FARP1: variants seen among roughly 807,000 people sequenced by gnomAD.
The protein encoded by FARP1 is FERM, ARHGEF and pleckstrin domain-containing protein 1.
Under a neutral mutation model 128.8 loss-of-function variants are expected in FARP1, and 52 were observed. The observed-to-expected ratio is 0.40, with a 90% CI of 0.32 to 0.51. The LOEUF is 0.51. Among genes scored for constraint, FARP1 ranks in the 20% least tolerant of loss-of-function variants. The pLI is 0.45. For synonymous variants in FARP1, 580 were observed against 551.8 expected (o/e 1.05, Z -0.72); for missense variants, 1,333 against 1,367.9 (o/e 0.97, Z 0.40).
At chr13:98,393,532 T>C in intron 11 of FARP1, 111 bp from the exon 12 acceptor site, 2 of 775,214 alleles carry the variant, frequency 2.6e-6, no homozygotes, top group Admixed American at 2.1e-5. Flanking sequence ...ACCATCATTA[T>C]TGAGGAAGGC....
chr13:98,250,466 T>C (rs1448543033), intron 2 of FARP1, among the ~76,000 whole-genome samples: 6 of 152,160 alleles, frequency 3.9e-5, no homozygotes, highest in Non-Finnish European at 5.9e-5. Context: ...CTCACACTTA[T>C]AATCCCAGCA....
At chr13:98,251,226 A>G (rs1050252944) in intron 2 of FARP1, among the ~76,000 whole-genome samples, 14 of 152,344 alleles carry the variant, frequency 9.2e-5, no homozygotes, top group African/African-American at 3.4e-4. Context: ...GAAAGAAGTG[A>G]GGCTCAAACA....
chr13:98,232,655 G>C (rs1209236276), intron 2 of FARP1, among the ~76,000 whole-genome samples: 3 of 152,136 alleles, frequency 2.0e-5, no homozygotes, highest in African/African-American at 7.2e-5. Context: ...CTAGACTACA[G>C]TATGGTGTAA....
At chr13:98,168,748 A>T (rs767855526) in intron 1 of FARP1, among the ~76,000 whole-genome samples, 14 of 152,178 alleles carry the variant, frequency 9.2e-5, no homozygotes, top group Admixed American at 1.3e-4. Context: ...AAGTGATTGG[A>T]GTGATAAATG....
rs1885515867 is a variant in FARP1, at chr13:98,292,977, A to G, written c.172-50785A>G. On this transcript the variant is annotated intron_variant, in intron 2 of 26. Transcript: ENST00000319562. ...TATAACCTATTTTAATAAGAAAATA[A>G]TGGAGTCATTTCAACTCATGGGGTA... is the stretch of plus-strand genomic sequence containing the variant. Among the ~76,000 whole-genome samples, 4 of 152,062 alleles carry G rather than the reference A, an allele frequency of 2.6e-5. No individual in the cohort carries two copies. In the South Asian group the frequency reaches 8.3e-4, roughly 32 times the overall value.
intron 2 of FARP1, 61 bp from the exon 3 acceptor site, chr13:98,343,701 G>GGTTTC: frequency 1.7e-6 from 2 of 1,146,780 alleles, no homozygotes; most frequent in Non-Finnish European, 2.6e-6. Flanking sequence ...GCAGCGAGGA[G>GGTTTC]CTGTGGTTTG....
At chr13:98,435,206 G>C (rs1419238622) in intron 18 of FARP1, among the ~76,000 whole-genome samples, 1 of 152,038 alleles carries the variant, frequency 6.6e-6, no homozygotes, top group Non-Finnish European at 1.5e-5. Flanking sequence ...TGTGCTCACT[G>C]TGCCTTGTTC....
intron 3 of FARP1, among the ~76,000 whole-genome samples, chr13:98,361,592 CCT>C (rs1260516608): frequency 6.6e-6 from 1 of 152,184 alleles, no homozygotes; most frequent in Non-Finnish European, 1.5e-5. Flanking sequence ...GTTAACTCAC[CCT>C]CTCAGGCAGC....
chr13:98,371,221 T>G (rs1281997339), intron 5 of FARP1, among the ~76,000 whole-genome samples: 5 of 51,604 alleles, frequency 9.7e-5, no homozygotes, highest in East Asian at 2.9e-4. Context: ...GCCCCCCGTT[T>G]TTTTTTTTTT....
chr13:98,179,087 A>G (rs1034666602), intron 1 of FARP1, among the ~76,000 whole-genome samples: 2 of 152,202 alleles, frequency 1.3e-5, no homozygotes, highest in African/African-American at 4.8e-5. Flanking sequence ...CGCTGCTGAT[A>G]AAGACACACC....
intron 2 of FARP1, among the ~76,000 whole-genome samples, chr13:98,295,097 ACACACACATATATC>A (rs1770318865): frequency 6.9e-5 from 2 of 28,998 alleles, no homozygotes; most frequent in East Asian, 2.3e-3. Flanking sequence ...ACACACACAC[ACACACACATATATC>A]CCCAGGCATT....
chr13:98,166,654 C>G (rs866830105), intron 1 of FARP1, among the ~76,000 whole-genome samples: 1 of 151,892 alleles, frequency 6.6e-6, no homozygotes, highest in Non-Finnish European at 1.5e-5. Context: ...TTTCCCAAAC[C>G]GGAAACCTAC....
Position 98,143,200 on chromosome 13 carries a change from G to A in FARP1, c.-316G>A, listed in dbSNP as rs1412352847. The A allele has an allele frequency of 6.7e-6, 1 of 148,460 alleles. No homozygotes were observed. The highest frequency in any genetic ancestry group is 2.4e-5 in the African/African-American group (1 of 40,990). 9.2% of individuals were successfully genotyped at this position (148,460 alleles called of 1,614,324 possible). A position where few individuals can be genotyped will look rare whatever the true frequency, so the allele number is the denominator to read the frequency against. On this transcript the variant is annotated 5_prime_UTR_variant, in exon 1 of 27. Coordinates refer to ENST00000319562, the MANE Select transcript of FARP1 (RefSeq NM_005766.4). ...GGGACGCGGCCGCTGCCCGCTTTGC[G>A]CCGCTCCTCCCTGCGCGAGTAGCGC...
intron 1 of FARP1, among the ~76,000 whole-genome samples, chr13:98,201,633 G>C (rs1465582490): frequency 2.0e-5 from 3 of 152,152 alleles, no homozygotes; most frequent in Non-Finnish European, 4.4e-5. Flanking sequence ...GAGTAGAAAA[G>C]GGATATGGGT....
In FARP1 at chr13:98,451,181, G is replaced by A. The variant is rs1490861939; in HGVS notation, c.*2864G>A. On this transcript the variant is annotated 3_prime_UTR_variant, in exon 27 of 27. Coordinates refer to ENST00000319562, the MANE Select transcript of FARP1 (RefSeq NM_005766.4). ...CTGAAGAACTCTGTAAATCAGAAAA[G>A]CTGCTGTCCGCCCTGGCTCACTTAA... 2 of 152,166 alleles carry A rather than the reference G, an allele frequency of 1.3e-5. No homozygotes were observed. Among genetic ancestry groups the A allele is most frequent in the Non-Finnish European group, 2.9e-5 (2 of 68,048 alleles). 9.4% of individuals were successfully genotyped at this position (152,166 alleles called of 1,614,324 possible).
chr13:98,427,509 T>A (rs1297471546), intron 17 of FARP1, among the ~76,000 whole-genome samples: 3 of 152,314 alleles, frequency 2.0e-5, no homozygotes, highest in African/African-American at 4.8e-5. Flanking sequence ...TGTGGGCCTT[T>A]GGGGACAGCA....
chr13:98,275,016 A>G lies in FARP1; in HGVS notation c.171+61603A>G, dbSNP rs118166189. On this transcript the variant is annotated intron_variant, in intron 2 of 26. Coordinates refer to ENST00000319562, the MANE Select transcript of FARP1 (RefSeq NM_005766.4). The stretch of plus-strand genomic sequence containing the variant: ...GTGTTCTTCAGCCATGCAATACTGT[A>G]TTCATCTTGCCATCCTTGAGTGAGT... 1.1e-3 allele frequency among the ~76,000 whole-genome samples: 170 copies of G among 152,316 alleles called. 2 individuals carry two copies. The East Asian group carries it at 0.029, about 26-fold the overall frequency.
intron 26 of FARP1, chr13:98,447,078 C>T (rs902390327): frequency 5.0e-5 from 23 of 456,882 alleles, no homozygotes; most frequent in Non-Finnish European, 7.6e-5. Context: ...TCTGACATAA[C>T]GTGTCCGGGA....
chr13:98,182,271 A>G (rs1434357648), intron 1 of FARP1, among the ~76,000 whole-genome samples: 1 of 150,246 alleles, frequency 6.7e-6, no homozygotes, highest in East Asian at 2.0e-4. Flanking sequence ...GTTTTTTTTT[A>G]CCTTGCTTGA....
Sources: allele counts gnomAD v4.1 joint callset (sites outside exome capture counted in the v4.1 genomes callset), GRCh38; gene constraint gnomAD v4.1.1; transcripts MANE v1.5; gene names NCBI Gene and HGNC (gene_info 2026-07-23, HGNC 2026-07-21).